Variants in ANO4 observed in about 807,000 individuals in gnomAD.
The protein encoded by ANO4 is anoctamin 4.
Under a neutral mutation model 141.9 loss-of-function variants are expected in ANO4, and 69 were observed. The observed-to-expected ratio is 0.49, with a 90% confidence interval of 0.40 to 0.59. The LOEUF is 0.59. Among genes scored for constraint, ANO4 ranks in the 20% least tolerant of loss-of-function variants. The probability of loss-of-function intolerance (pLI) is 0.00; values close to 1 mark genes in which losing one functional copy is unlikely to be tolerated. For missense variants in ANO4, 894 were observed against 1,162.2 expected (o/e 0.77, Z 3.36); for synonymous variants, 350 against 394.3 (o/e 0.89, Z 1.33).
At position 101,111,662 on chromosome 12, in the gene ANO4, A is replaced by G. The variant is rs1280939954; in HGVS notation, c.2402A>G (p.Tyr801Cys). 1 of 1,613,286 alleles carries G rather than the reference A, an allele frequency of 6.2e-7. No individual in the cohort carries two copies. The change falls in exon 24 of 28, where the codon TAT becomes TGT. Residue 801 changes from tyrosine (Y) to cysteine (C), a missense_variant. This residue lies in a region of ANO4 where 637 missense variants were observed against 909.2 expected (regional missense o/e 0.70). Transcript: ENST00000392977. ...TCTGACTTTATCCCTCGCTTGGTGT[A>G]TGCTTATAAGTATGGACCTTGTGCA... ...ITSDFIPRLV[Y>C]AYKYGPCAGQ...
chr12:100,917,679 A>G (rs142136896), intron 2 of ANO4, among the ~76,000 whole-genome samples: 72 of 152,296 alleles, frequency 4.7e-4, no homozygotes, highest in African/African-American at 1.6e-3. Context: ...TTGTAGTGTT[A>G]GACTTAATGA....
chr12:100,972,059 C>T (rs2043958335), intron 6 of ANO4, among the ~76,000 whole-genome samples: 1 of 152,066 alleles, frequency 6.6e-6, no homozygotes, highest in African/African-American at 2.4e-5. Flanking sequence ...ATTTGCTATA[C>T]AGAAATAAAA....
chr12:100,977,539 A>T (rs1361731459), intron 7 of ANO4, among the ~76,000 whole-genome samples: 4 of 152,178 alleles, frequency 2.6e-5, no homozygotes, highest in African/African-American at 9.7e-5. Context: ...AAATAAAAAA[A>T]ACCTAAGGGT....
chr12:100,752,023 T>C (rs2135500601), intron 3 of ANO4, among the ~76,000 whole-genome samples: 1 of 152,332 alleles, frequency 6.6e-6, no homozygotes, highest in South Asian at 2.1e-4. Flanking sequence ...CTTAACTTCT[T>C]TGAGCCTCAA....
At position 101,099,601 on chromosome 12, in the gene ANO4, G is replaced by C. The variant is rs2050115451; in HGVS notation, c.2030G>C (p.Arg677Thr). ...AGGTTAATTCAGAATTGGTGGACTA[G>C]AAGAAAAGTACGACAAGAACATGGA... ...GYPLIQNWWT[R>T]RKVRQEHGPE... is the part of the protein sequence containing the mutation. The change falls in exon 22 of 28, where the codon AGA becomes ACA. Residue 677 changes from arginine (R) to threonine (T), a missense_variant. Arg to Thr is a moderately conservative substitution (Grantham distance 71). Around this residue, in one of 2 missense-constraint regions of ANO4, gnomAD observed 637 missense variants for 909.2 expected, o/e 0.70. Coordinates refer to ENST00000392977, the MANE Select transcript of ANO4 (RefSeq NM_001286615.2). 6.2e-7 allele frequency: 1 copy of C among 1,602,478 alleles called. No individual in the cohort carries two copies. The highest frequency in any genetic ancestry group is 8.5e-7 in the Non-Finnish European group (1 of 1,177,226).
chr12:100,941,301 G>T (rs2042500300), intron 4 of ANO4, among the ~76,000 whole-genome samples: 1 of 151,664 alleles, frequency 6.6e-6, no homozygotes, highest in African/African-American at 2.4e-5. Flanking sequence ...CCTACCAGAG[G>T]TATCATCTTT....
intron 14 of ANO4, among the ~76,000 whole-genome samples, chr12:101,061,766 G>A (rs1469511253): frequency 5.3e-5 from 8 of 151,784 alleles, no homozygotes; most frequent in Non-Finnish European, 1.5e-5. Context: ...GGTTATTCTA[G>A]TTAGCAATTC....
intron 14 of ANO4, among the ~76,000 whole-genome samples, chr12:101,065,564 G>A (rs2048545943): frequency 6.6e-6 from 1 of 152,090 alleles, no homozygotes. Flanking sequence ...GAACCATGAG[G>A]AATTCCAAAA....
At position 101,124,238 on chromosome 12, in the gene ANO4, A is replaced by G. The variant is rs111723043; in HGVS notation, c.2677-2641A>G. On this transcript the variant is annotated intron_variant, in intron 26 of 27. Transcript: ENST00000392977. ...TATCAATAATGTTGAGCTTTTTTTC[A>G]TATGTTTGTTGGCTGCATGAATGTC... Among the ~76,000 whole-genome samples the G allele has an allele frequency of 4.5e-3, 679 of 151,910 alleles. 10 individuals carry two copies. The highest frequency in any genetic ancestry group is 0.016 in the African/African-American group (657 of 41,436).
chr12:101,085,718 C>CT (rs2136896904), intron 16 of ANO4, among the ~76,000 whole-genome samples: 1 of 152,222 alleles, frequency 6.6e-6, no homozygotes, highest in Non-Finnish European at 1.5e-5. Context: ...GGGAAACATG[C>CT]TTCAGTCTGT....
At chr12:100,779,237 G>A (rs968201823) in intron 3 of ANO4, among the ~76,000 whole-genome samples, 1 of 152,130 alleles carries the variant, frequency 6.6e-6, no homozygotes, top group African/African-American at 2.4e-5. Flanking sequence ...GTGCCACTGG[G>A]GTTTCATAGT....
chr12:100,942,420 A>T lies in ANO4; in HGVS notation c.341A>T (p.Asp114Val). 1 of 1,614,080 alleles carries T rather than the reference A, an allele frequency of 6.2e-7. No individual in the cohort carries two copies. Among genetic ancestry groups the T allele is most frequent in the Non-Finnish European group, 8.5e-7 (1 of 1,179,960 alleles). Residue 114 changes from aspartate to valine, a missense_variant, in exon 5 of 28, where the codon GAT (aspartate) becomes GTT (valine). Asp to Val is a radical substitution (Grantham distance 152). Coordinates refer to ENST00000392977, the MANE Select transcript of ANO4 (RefSeq NM_001286615.2). ...AAATCAAATGGACTTTACTTTCGAG[A>T]TGGAAAGTGTCGAATTGACTACATC... Reference protein sequence around the residue: ...RNKSNGLYFRDGKCRIDYILV... With the variant: ...RNKSNGLYFRVGKCRIDYILV...
Position 100,894,485 on chromosome 12 carries a change from C to T in ANO4, c.-140-7161C>T, listed in dbSNP as rs563511117. On this transcript the variant is annotated intron_variant, in intron 1 of 27. Coordinates refer to ENST00000392977, the MANE Select transcript of ANO4 (RefSeq NM_001286615.2). ...TCTGATGCTCAAAGCCCCTCCAAAC[C>T]TGTTTTCTGTGGGTCCACCTGAGCT... 2.6e-5 allele frequency among the ~76,000 whole-genome samples: 4 copies of T among 152,184 alleles called. No individual in the cohort carries two copies. In the South Asian group the frequency reaches 8.3e-4, roughly 32 times the overall value.
chr12:100,882,683 T>G (rs1470194225), intron 1 of ANO4, among the ~76,000 whole-genome samples: 1 of 151,696 alleles, frequency 6.6e-6, no homozygotes, highest in Admixed American at 6.6e-5. Flanking sequence ...CTGTTTTTTT[T>G]GTTTGTTTTT....
At chr12:100,718,150 G>A (rs2030698375) in intron 1 of ANO4, among the ~76,000 whole-genome samples, 1 of 152,204 alleles carries the variant, frequency 6.6e-6, no homozygotes, top group Non-Finnish European at 1.5e-5. Context: ...TATATGAATA[G>A]ACATATACAT....
chr12:100,965,446 C>T (rs548252630), intron 5 of ANO4, among the ~76,000 whole-genome samples: 5 of 152,162 alleles, frequency 3.3e-5, no homozygotes, highest in Non-Finnish European at 4.4e-5. Flanking sequence ...CTCTGCAAAA[C>T]ATGCAGCACG....
intron 2 of ANO4, among the ~76,000 whole-genome samples, chr12:100,903,718 T>A (rs1451125842): frequency 6.6e-6 from 1 of 152,230 alleles, no homozygotes; most frequent in South Asian, 2.1e-4. Flanking sequence ...GGCACAGCTC[T>A]TAAAAGCTTC....
At chr12:101,045,780 C>A (rs2047602917) in intron 13 of ANO4, among the ~76,000 whole-genome samples, 1 of 152,170 alleles carries the variant, frequency 6.6e-6, no homozygotes, top group Non-Finnish European at 1.5e-5. Context: ...GTGGCCCTGC[C>A]CACATGATCA....
At chr12:100,984,323 G>A (rs1436638808) in intron 7 of ANO4, among the ~76,000 whole-genome samples, 2 of 152,176 alleles carry the variant, frequency 1.3e-5, no homozygotes, top group Non-Finnish European at 2.9e-5. Flanking sequence ...TCTCACGCCT[G>A]TAATCCCAGC....
Sources: gnomAD v4.1 joint callset for allele counts (sites outside exome capture counted in the v4.1 genomes callset) on GRCh38, gnomAD v4.1.1 for gene constraint, gnomAD v4.1.1 regional missense constraint, MANE v1.5 for transcripts, NCBI Gene and HGNC (gene_info 2026-07-23, HGNC 2026-07-21) for gene names.